The following PIK3CA variants were observed in gnomAD, a reference collection of about 807,000 sequenced individuals.
PIK3CA encodes phosphatidylinositol 4,5-bisphosphate 3-kinase catalytic subunit alpha isoform.
A neutral mutation model predicts 138.2 loss-of-function variants in PIK3CA; 27 were observed. The observed-to-expected ratio is 0.20, with a 90% CI of 0.14 to 0.27. The LOEUF (loss-of-function observed/expected upper bound fraction) is 0.27, where lower values mean the gene tolerates loss of function less well. Among genes scored for constraint, PIK3CA ranks in the 10% least tolerant of loss-of-function variants. The probability of loss-of-function intolerance (pLI) is 1.00; values close to 1 mark genes in which losing one functional copy is unlikely to be tolerated. For missense variants in PIK3CA, 544 were observed against 1,277.4 expected, an observed-to-expected ratio of 0.43 and a Z score of 8.75; for synonymous variants, 358 against 413.2, an observed-to-expected ratio of 0.87 and a Z score of 1.62.
At chr3:179,210,118 G>A (rs2108399914) in intron 7 of PIK3CA, 68 bp from the exon 8 acceptor site, 1 of 1,229,830 alleles carries the variant, frequency 8.1e-7, no homozygotes, top group Non-Finnish European at 1.1e-6. Context: ...TTTCCTTTTG[G>A]GGAAGAAAAG....
rs548502094 is a variant in PIK3CA at position 179,202,090 on chromosome 3, G to GGTCTC, written c.813+552_813+556dup. On this transcript the variant is annotated intron_variant, in intron 4 of 20. Coordinates refer to ENST00000263967, the MANE Select transcript of PIK3CA (RefSeq NM_006218.4). ...GTTGTTTGTTTGTTTTTCGAGACAGGGTCTCGCTTTGTCTCTCAGGCTGGA... is the reference window on the plus strand; with the variant it reads ...GTTGTTTGTTTGTTTTTCGAGACAGGGTCTCGTCTCGCTTTGTCTCTCAGGCTGGA... Among the ~76,000 whole-genome samples, 597 of 152,102 alleles carry GGTCTC rather than the reference G, an allele frequency of 3.9e-3. 5 individuals carry two copies. The highest frequency in any genetic ancestry group is 3.4e-3 in the Non-Finnish European group (229 of 67,978).
intron 16 of PIK3CA, among the ~76,000 whole-genome samples, chr3:179,225,658 T>C (rs1319781730): frequency 2.6e-5 from 4 of 152,138 alleles, no homozygotes; most frequent in African/African-American, 7.2e-5. Flanking sequence ...TGGTGCATGC[T>C]TGTGATCCCA....
chr3:179,155,323 TAAA>T (rs1475839294), intron 1 of PIK3CA, among the ~76,000 whole-genome samples: 1 of 152,158 alleles, frequency 6.6e-6, no homozygotes, highest in Non-Finnish European at 1.5e-5. Flanking sequence ...TATTTAGAAA[TAAA>T]AATACTTTCT....
At chr3:179,157,545 A>G (rs1450968877) in intron 1 of PIK3CA, among the ~76,000 whole-genome samples, 5 of 152,124 alleles carry the variant, frequency 3.3e-5, no homozygotes, top group Non-Finnish European at 5.9e-5. Flanking sequence ...TAACTGCTAA[A>G]GCACAGTTAA....
intron 1 of PIK3CA, among the ~76,000 whole-genome samples, chr3:179,177,926 A>G (rs190526435): frequency 7.1e-4 from 108 of 152,186 alleles, no homozygotes; most frequent in Non-Finnish European, 1.2e-3. Context: ...GGGATTAAAG[A>G]TGTGTATCAG....
intron 1 of PIK3CA, among the ~76,000 whole-genome samples, chr3:179,166,778 T>TA (rs1291251903): frequency 6.6e-6 from 1 of 152,214 alleles, no homozygotes; most frequent in Non-Finnish European, 1.5e-5. Context: ...TAGATGTGTT[T>TA]AGCCTTACTG....
chr3:179,224,664 C>CA (rs752891392), intron 15 of PIK3CA, 36 bp from the exon 16 acceptor site: 4 of 1,410,932 alleles, frequency 2.8e-6, no homozygotes, highest in Middle Eastern at 1.8e-4. Flanking sequence ...AATAATAAAG[C>CA]AAAGGTACCT....
Position 179,220,089 on chromosome 3 carries a change from A to G in PIK3CA, c.2015+37A>G, listed in dbSNP as rs11918324. ...TATTTTCCCATTAAATTCTTAAGGT[A>G]CATATTACTTGCTTTCTTAATAGAT... On this transcript the variant is annotated intron_variant, in intron 13 of 20. Coordinates refer to ENST00000263967, the MANE Select transcript of PIK3CA (RefSeq NM_006218.4). This position sits in a 1 kb window ranked among gnomAD's most constrained non-coding sequence, Gnocchi z 4.1. The G allele has an allele frequency of 0.071, 97,951 of 1,377,402 alleles. 3,404 individuals carry two copies. The highest frequency in any genetic ancestry group is 0.11 in the African/African-American group (7,237 of 68,476). The allele number at this position is 1,377,402 out of a possible 1,614,324, so 85.3% of individuals were successfully genotyped here. A position where few individuals can be genotyped will look rare whatever the true frequency, so the allele number is the denominator to read the frequency against.
chr3:179,221,696 C>CT (rs200211358), intron 14 of PIK3CA, among the ~76,000 whole-genome samples: 8,324 of 77,558 alleles, frequency 0.11, 1,916 homozygotes, highest in Non-Finnish European at 0.12. Context: ...ACAATGTAAA[C>CT]TTTTTTTTTT....
intron 1 of PIK3CA, among the ~76,000 whole-genome samples, chr3:179,176,479 G>A (rs1367686745): frequency 6.6e-6 from 1 of 152,126 alleles, no homozygotes; most frequent in Non-Finnish European, 1.5e-5. Flanking sequence ...CAAAAAAAGA[G>A]TTTTTCTCAT....
rs375716649 is a variant in PIK3CA at position 179,179,815 on chromosome 3, G to A, written c.-76-18935G>A. ...GCCTTGATTTTTGTTTTTGAATTTAGCAAAATATTCAAAAGTTCATCTGGA... is the reference window on the plus strand; with the variant it reads ...GCCTTGATTTTTGTTTTTGAATTTAACAAAATATTCAAAAGTTCATCTGGA... On this transcript the variant is annotated intron_variant, in intron 1 of 20. Transcript: ENST00000263967. Among the ~76,000 whole-genome samples, 5 of 152,158 alleles carry A rather than the reference G, an allele frequency of 3.3e-5. No individual in the cohort carries two copies. In the East Asian group the frequency reaches 9.7e-4, roughly 29 times the overall value.
At position 179,224,144 on chromosome 3, in the gene PIK3CA, T is replaced by C. The variant is rs2108416843; in HGVS notation, c.2251T>C (p.Phe751Leu). 2 of 1,601,856 alleles carry C rather than the reference T, an allele frequency of 1.2e-6. No homozygotes were observed. The highest frequency in any genetic ancestry group is 1.7e-6 in the Non-Finnish European group (2 of 1,171,382). ...RPDFMDALQG[F>L]LSPLNPAHQL... ...AGATTTCATGGATGCTCTACAGGGC[T>C]TTCTGTCTCCTCTAAACCCTGCTCA... The change falls in exon 15 of 21, where the codon TTT becomes CTT. Residue 751 changes from phenylalanine to leucine, a missense_variant. This residue lies in a region of PIK3CA where 35 missense variants were observed against 49.4 expected (regional missense o/e 0.71). Transcript: ENST00000263967.
At chr3:179,150,508 A>T (rs934339782) in intron 1 of PIK3CA, among the ~76,000 whole-genome samples, 2 of 152,350 alleles carry the variant, frequency 1.3e-5, no homozygotes, top group African/African-American at 2.4e-5. Context: ...GGTTAAAAAA[A>T]TTTAACTAAA....
chr3:179,183,398 T>C (rs2108372522), intron 1 of PIK3CA, among the ~76,000 whole-genome samples: 1 of 152,328 alleles, frequency 6.6e-6, no homozygotes, highest in African/African-American at 2.4e-5. Context: ...CTTAAAAAAA[T>C]ACAATATCTT....
At chr3:179,227,724 T>G (rs921950851) in intron 17 of PIK3CA, among the ~76,000 whole-genome samples, 3 of 152,092 alleles carry the variant, frequency 2.0e-5, no homozygotes, top group Non-Finnish European at 4.4e-5. Flanking sequence ...GGAGAGTAGC[T>G]TACGAGAAGA....
intron 1 of PIK3CA, among the ~76,000 whole-genome samples, chr3:179,175,888 T>A (rs549085604): frequency 6.6e-6 from 1 of 152,320 alleles, no homozygotes; most frequent in South Asian, 2.1e-4. Context: ...CTCAAATGCA[T>A]GAAGATCCTC....
chr3:179,213,951 A>G (rs949517794), intron 9 of PIK3CA, among the ~76,000 whole-genome samples: 1 of 152,022 alleles, frequency 6.6e-6, no homozygotes, highest in Non-Finnish European at 1.5e-5. Context: ...TCTTATACCA[A>G]CCTCTGCTAG....
At chr3:179,177,664 G>GA (rs1347203329) in intron 1 of PIK3CA, among the ~76,000 whole-genome samples, 1 of 152,092 alleles carries the variant, frequency 6.6e-6, no homozygotes, top group Non-Finnish European at 1.5e-5. Flanking sequence ...TAGTGGAAGA[G>GA]AAAAACCCAT....
At chr3:179,201,945 T>C (rs775922393) in intron 4 of PIK3CA, among the ~76,000 whole-genome samples, 2 of 152,018 alleles carry the variant, frequency 1.3e-5, no homozygotes, top group Admixed American at 1.3e-4. Context: ...ATAAGTAATA[T>C]TAGTAAATAG....
Sources: gnomAD v4.1 joint callset for allele counts (sites outside exome capture counted in the v4.1 genomes callset) on GRCh38, gnomAD v4.1.1 for gene constraint, gnomAD v4.1.1 regional missense constraint, Gnocchi (gnomAD v3.1) non-coding constraint, MANE v1.5 for transcripts, NCBI Gene and HGNC (gene_info 2026-07-23, HGNC 2026-07-21) for gene names.